SNAP91: variants seen among roughly 807,000 people sequenced by gnomAD.
SNAP91 encodes clathrin coat assembly protein AP180.
SNAP91 carries 27 observed loss-of-function variants against 100.3 expected under a neutral mutation model. The ratio of observed to expected loss-of-function variants is 0.27; its 90% confidence interval spans 0.20 to 0.37. The LOEUF is 0.37. Among genes scored for constraint, SNAP91 ranks in the 10% least tolerant of loss-of-function variants. The pLI, the probability that SNAP91 is intolerant of heterozygous loss-of-function variation, is 1.00. For synonymous variants in SNAP91, 404 were observed against 398.6 expected, an observed-to-expected ratio of 1.01 and a Z score of -0.16; for missense variants, 986 against 1,123.7, an observed-to-expected ratio of 0.88 and a Z score of 1.75.
chr6:83,649,897 C>G (rs1304586419), intron 7 of SNAP91, among the ~76,000 whole-genome samples: 5 of 152,046 alleles, frequency 3.3e-5, no homozygotes, highest in Non-Finnish European at 7.4e-5. Flanking sequence ...CCAATTCATA[C>G]CTTTTTAGGG....
intron 2 of SNAP91, among the ~76,000 whole-genome samples, chr6:83,667,896 C>G (rs991714396): frequency 6.6e-6 from 1 of 152,102 alleles, no homozygotes; most frequent in African/African-American, 2.4e-5. Flanking sequence ...GACAGGCAAC[C>G]TACAGAATGG....
intron 7 of SNAP91, 85 bp downstream of exon 7, chr6:83,656,669 G>GAAA (rs2128700403): frequency 1.6e-6 from 1 of 615,416 alleles, no homozygotes; most frequent in Non-Finnish European, 2.8e-6. Flanking sequence ...TGCCCACCAA[G>GAAA]TGAGACAACA....
intron 26 of SNAP91, among the ~76,000 whole-genome samples, chr6:83,564,714 C>T (rs117584658): frequency 0.021 from 3,188 of 151,868 alleles, 50 homozygotes; most frequent in Middle Eastern, 0.048. Flanking sequence ...CCTCCACATG[C>T]AAAACGATAA....
rs559397121 is a variant in SNAP91, at chr6:83,561,987, C to T, written c.2443-1040G>A. Among the ~76,000 whole-genome samples, 14 of 152,250 alleles carry T rather than the reference C, an allele frequency of 9.2e-5. No individual in the cohort carries two copies. The South Asian group carries it at 2.9e-3, about 32-fold the overall frequency. On this transcript the variant is annotated intron_variant, in intron 26 of 29. Transcript: ENST00000369694. ...AATGCAGTGAGTTGTAATAGCACCA[C>T]TGTACTTCAGCCTGTGGACAAAGTG...
chr6:83,602,593 C>A (rs1170364541), intron 14 of SNAP91, among the ~76,000 whole-genome samples: 1 of 152,158 alleles, frequency 6.6e-6, no homozygotes, highest in Non-Finnish European at 1.5e-5. Flanking sequence ...TCACCTTCAA[C>A]CATGACTGGG....
At chr6:83,694,838 A>G (rs2099175172) in intron 2 of SNAP91, among the ~76,000 whole-genome samples, 1 of 152,146 alleles carries the variant, frequency 6.6e-6, no homozygotes, top group Non-Finnish European at 1.5e-5. Flanking sequence ...AACTATTTTG[A>G]TCTATGGTCC....
In SNAP91 at chr6:83,705,416, G is replaced by A. The variant is rs190720065; in HGVS notation, c.130+2382C>T. On this transcript the variant is annotated intron_variant, in intron 2 of 29. Coordinates refer to ENST00000369694, the MANE Select transcript of SNAP91 (RefSeq NM_001242792.2). ...AGCAAGGTGGGTGTTTTAGAGATTA[G>A]ACCATTTAGGTTAATATGGTTCATT... 2.0e-5 allele frequency among the ~76,000 whole-genome samples: 3 copies of A among 152,224 alleles called. No individual in the cohort carries two copies. The East Asian group carries it at 5.8e-4, about 29-fold the overall frequency.
intron 2 of SNAP91, among the ~76,000 whole-genome samples, chr6:83,701,134 A>G (rs993863973): frequency 6.9e-6 from 1 of 145,764 alleles, no homozygotes; most frequent in Admixed American, 7.2e-5. Context: ...GTGGGAAAAA[A>G]GAAAAAGCAA....
intron 2 of SNAP91, among the ~76,000 whole-genome samples, chr6:83,692,575 A>T (rs923616162): frequency 6.6e-6 from 1 of 152,038 alleles, no homozygotes. Flanking sequence ...ATAAAAGAGG[A>T]GATTGAGGTC....
At chr6:83,671,909 T>C (rs541042119) in intron 2 of SNAP91, among the ~76,000 whole-genome samples, 2 of 152,212 alleles carry the variant, frequency 1.3e-5, no homozygotes, top group South Asian at 4.1e-4. Context: ...TAAACTCTTC[T>C]CTGAGTCATC....
intron 9 of SNAP91, 69 bp downstream of exon 9, chr6:83,623,232 C>A (rs1175499455): frequency 2.4e-6 from 3 of 1,227,998 alleles, no homozygotes; most frequent in Non-Finnish European, 2.4e-6. Context: ...CAAGACTATG[C>A]CCATTTGTGG....
intron 16 of SNAP91, among the ~76,000 whole-genome samples, chr6:83,596,612 A>G (rs554925517): frequency 7.2e-5 from 11 of 152,254 alleles, no homozygotes; most frequent in African/African-American, 2.7e-4. Context: ...AACACAACCA[A>G]AGCTTAAAGC....
At chr6:83,669,094 G>A (rs918297060) in intron 2 of SNAP91, among the ~76,000 whole-genome samples, 2 of 151,894 alleles carry the variant, frequency 1.3e-5, no homozygotes, top group African/African-American at 2.4e-5. Flanking sequence ...TGTACTGAAC[G>A]TGAAAAACAG....
intron 28 of SNAP91, among the ~76,000 whole-genome samples, chr6:83,558,515 C>T (rs942983304): frequency 3.3e-5 from 5 of 152,232 alleles, no homozygotes; most frequent in African/African-American, 1.2e-4. Flanking sequence ...TGTCTTTCAA[C>T]ATCCACCATT....
chr6:83,564,895 A>T (rs1305924763), intron 26 of SNAP91, among the ~76,000 whole-genome samples: 1 of 152,020 alleles, frequency 6.6e-6, no homozygotes, highest in African/African-American at 2.4e-5. Context: ...TAAAAGAAAA[A>T]ATAGATAAAT....
rs1016715296 is a variant in SNAP91 at position 83,575,164 on chromosome 6, C to T, written c.2331-43G>A. On this transcript the variant is annotated intron_variant, in intron 25 of 29. Transcript: ENST00000369694. ...AAACAAGCAAACAAACAAAAAATCACAAATCAGAAAAAAATGGTGTGTGGC... is the reference window on the plus strand; with the variant it reads ...AAACAAGCAAACAAACAAAAAATCATAAATCAGAAAAAAATGGTGTGTGGC... 9.6e-6 allele frequency: 13 copies of T among 1,356,178 alleles called. No homozygotes were observed. The Middle Eastern group carries it at 7.1e-4, about 74-fold the overall frequency. The allele number at this position is 1,356,178 out of a possible 1,614,324, so 84.0% of individuals were successfully genotyped here. A position where few individuals can be genotyped will look rare whatever the true frequency, so the allele number is the denominator to read the frequency against.
chr6:83,658,203 T>C (rs1039671818), intron 6 of SNAP91, among the ~76,000 whole-genome samples: 30 of 152,134 alleles, frequency 2.0e-4, no homozygotes, highest in African/African-American at 6.5e-4. Context: ...TAACATCCTA[T>C]AAAACTATAG....
At chr6:83,696,553 G>A (rs777171820) in intron 2 of SNAP91, among the ~76,000 whole-genome samples, 5 of 152,128 alleles carry the variant, frequency 3.3e-5, no homozygotes, top group East Asian at 1.9e-4. Context: ...AAATTCATTC[G>A]TCCAGCAACC....
At chr6:83,585,853 CTTT>C (rs1045371745) in intron 22 of SNAP91, among the ~76,000 whole-genome samples, 10 of 137,158 alleles carry the variant, frequency 7.3e-5, no homozygotes, top group Non-Finnish European at 1.1e-4. Context: ...TTTTTTCTTT[CTTT>C]TTTTTTTTTT....
Sources: gnomAD v4.1 joint callset for allele counts (sites outside exome capture counted in the v4.1 genomes callset) on GRCh38, gnomAD v4.1.1 for gene constraint, MANE v1.5 for transcripts, NCBI Gene and HGNC (gene_info 2026-07-23, HGNC 2026-07-21) for gene names.